Variants in CADM2 observed in about 807,000 individuals in gnomAD.
CADM2 encodes immunoglobulin superfamily member 4D.
In CADM2, 12 loss-of-function variants were observed where a neutral mutation model predicts 49.8. The ratio of observed to expected loss-of-function variants is 0.24; its 90% CI spans 0.15 to 0.39. The LOEUF (loss-of-function observed/expected upper bound fraction) is 0.39. CADM2 is among the 10% of genes least tolerant of loss of function. The pLI, the probability that CADM2 is intolerant of heterozygous loss-of-function variation, is 1.00. For missense variants in CADM2, 378 were observed against 492.3 expected (o/e 0.77, Z 2.20); for synonymous variants, 214 against 175.4 (o/e 1.22, Z -1.74).
intron 1 of CADM2, among the ~76,000 whole-genome samples, chr3:85,182,122 A>G (rs1308139976): frequency 2.6e-5 from 4 of 151,926 alleles, no homozygotes; most frequent in African/African-American, 9.7e-5. Flanking sequence ...ATAAATAGAA[A>G]CACGATATAT....
rs74404513 is a variant in CADM2 at position 85,758,494 on chromosome 3, T to C, written c.88+31946T>C. On this transcript the variant is annotated intron_variant, in intron 2 of 9. Coordinates refer to ENST00000383699, the MANE Select transcript of CADM2 (RefSeq NM_001167675.2). ...GTGGAGAAATACTTTGACCATTATC[T>C]AGGCCTAAAGATACTCTTAATTTTA... Among the ~76,000 whole-genome samples, 557 of 152,252 alleles carry C rather than the reference T, an allele frequency of 3.7e-3. 3 individuals are homozygous for C. The highest frequency in any genetic ancestry group is 5.0e-3 in the Non-Finnish European group (343 of 67,982).
At chr3:85,992,352 C>T (rs1222515860) in intron 8 of CADM2, 1 of 151,870 alleles carries the variant, frequency 6.6e-6, no homozygotes, top group African/African-American at 2.4e-5. Flanking sequence ...GTTTTAATGA[C>T]CTTCCTCTGA....
intron 1 of CADM2, among the ~76,000 whole-genome samples, chr3:85,544,523 A>G (rs6804626): frequency 0.51 from 78,210 of 151,968 alleles, 23,117 homozygotes; most frequent in East Asian, 0.85. Context: ...CTTGCAGTGA[A>G]CGGAGATCGC....
Position 85,686,003 on chromosome 3 carries a change from G to T in CADM2, c.62-40519G>T, listed in dbSNP as rs76526298. ...AAATGATTTTACGTGGCTATAGAGA[G>T]TGTATTATAAATTCAATGGTATTTG... On this transcript the variant is annotated intron_variant, in intron 1 of 9. Transcript: ENST00000383699. Among the ~76,000 whole-genome samples the T allele has an allele frequency of 1.7e-3, 263 of 152,298 alleles. 1 individual carries two copies. The highest frequency in any genetic ancestry group is 5.9e-3 in the African/African-American group (244 of 41,556).
intron 1 of CADM2, among the ~76,000 whole-genome samples, chr3:85,147,697 GAATT>G (rs1216061459): frequency 2.0e-5 from 3 of 151,800 alleles, no homozygotes; most frequent in Admixed American, 6.6e-5. Flanking sequence ...GCACAATAAA[GAATT>G]AATATCTATC....
chr3:86,028,228 A>T (rs1430261834), intron 8 of CADM2, among the ~76,000 whole-genome samples: 1 of 151,900 alleles, frequency 6.6e-6, no homozygotes, highest in African/African-American at 2.4e-5. Flanking sequence ...GAAGTCAAAA[A>T]AAAAAAAAAG....
chr3:85,023,635 G>A (rs1235510033), intron 1 of CADM2, among the ~76,000 whole-genome samples: 2 of 151,954 alleles, frequency 1.3e-5, no homozygotes, highest in East Asian at 3.9e-4. Flanking sequence ...TTATTATTTA[G>A]AACTATACTT....
intron 1 of CADM2, among the ~76,000 whole-genome samples, chr3:85,478,650 G>A (rs530596563): frequency 3.9e-5 from 6 of 152,026 alleles, no homozygotes; most frequent in African/African-American, 1.4e-4. Flanking sequence ...TAAGGGATGA[G>A]CCTTATAATG....
chr3:85,974,447 C>A (rs1726532924), intron 8 of CADM2, among the ~76,000 whole-genome samples: 1 of 151,576 alleles, frequency 6.6e-6, no homozygotes, highest in Non-Finnish European at 1.5e-5. Flanking sequence ...AGACATGTAT[C>A]CTATGAGGAA....
intron 6 of CADM2, among the ~76,000 whole-genome samples, chr3:85,915,391 T>G (rs1028246806): frequency 6.6e-6 from 1 of 152,112 alleles, no homozygotes; most frequent in Non-Finnish European, 1.5e-5. Context: ...TAGCATACCA[T>G]CATTCAAGTA....
intron 1 of CADM2, among the ~76,000 whole-genome samples, chr3:85,230,523 A>C (rs2107811224): frequency 6.6e-6 from 1 of 152,284 alleles, no homozygotes; most frequent in African/African-American, 2.4e-5. Flanking sequence ...TGAAATTGTT[A>C]ATTCGTTCAA....
intron 1 of CADM2, among the ~76,000 whole-genome samples, chr3:85,142,587 T>A (rs1231187543): frequency 6.6e-6 from 1 of 152,188 alleles, no homozygotes; most frequent in Non-Finnish European, 1.5e-5. Flanking sequence ...GTTTAAGTGG[T>A]TATAGACTTA....
intron 1 of CADM2, among the ~76,000 whole-genome samples, chr3:85,416,639 A>C (rs1576514608): frequency 6.6e-6 from 1 of 152,284 alleles, no homozygotes; most frequent in East Asian, 1.9e-4. Flanking sequence ...ACAGCAACCA[A>C]GATAAATTGT....
In CADM2 at chr3:85,298,941, G is replaced by A. The variant is rs1249727034; in HGVS notation, c.61+339273G>A. 2.6e-5 allele frequency among the ~76,000 whole-genome samples: 4 copies of A among 152,106 alleles called. No homozygotes were observed. In the South Asian group the frequency reaches 8.3e-4, roughly 32 times the overall value. ...GTATTACATGAGCACATCAACTGTG[G>A]TTTTTAAAATGTTCCCAAAACAGAG... On this transcript the variant is annotated intron_variant, in intron 1 of 9. Coordinates refer to ENST00000383699, the MANE Select transcript of CADM2 (RefSeq NM_001167675.2).
intron 7 of CADM2, among the ~76,000 whole-genome samples, chr3:85,939,471 ACACAC>A (rs1721578322): frequency 2.8e-5 from 4 of 144,658 alleles, no homozygotes; most frequent in African/African-American, 1.0e-4. Context: ...AAACGAAAAC[ACACAC>A]ACACACACAC....
chr3:85,253,926 C>T (rs1191906233), intron 1 of CADM2, among the ~76,000 whole-genome samples: 1 of 152,044 alleles, frequency 6.6e-6, no homozygotes, highest in African/African-American at 2.4e-5. Flanking sequence ...TCAGATTCTC[C>T]AGGGAACACC....
intron 1 of CADM2, among the ~76,000 whole-genome samples, chr3:85,328,892 T>A (rs185637435): frequency 8.6e-6 from 1 of 116,108 alleles, no homozygotes; most frequent in Admixed American, 9.5e-5. Flanking sequence ...TTAAATCATG[T>A]CTTCCCTCAA....
intron 7 of CADM2, among the ~76,000 whole-genome samples, chr3:85,939,709 G>A (rs1721621758): frequency 6.6e-6 from 1 of 150,778 alleles, no homozygotes; most frequent in Admixed American, 6.7e-5. Context: ...TATAGGTATT[G>A]ATAAGTTTTT....
chr3:84,991,541 C>T (rs2032889039), intron 1 of CADM2, among the ~76,000 whole-genome samples: 1 of 152,044 alleles, frequency 6.6e-6, no homozygotes, highest in African/African-American at 2.4e-5. Flanking sequence ...GTTAGAATGG[C>T]CAAAATCCAG....
Sources: allele counts gnomAD v4.1 joint callset (sites outside exome capture counted in the v4.1 genomes callset), GRCh38; gene constraint gnomAD v4.1.1; transcripts MANE v1.5; gene names NCBI Gene and HGNC (gene_info 2026-07-23, HGNC 2026-07-21).